PLD5: variants seen among roughly 807,000 people sequenced by gnomAD.
PLD5 encodes inactive phospholipase D5.
A neutral mutation model predicts 61.1 loss-of-function variants in PLD5; 36 were observed. The ratio of observed to expected loss-of-function variants is 0.59; its 90% CI spans 0.45 to 0.78. The LOEUF (loss-of-function observed/expected upper bound fraction) is 0.78. PLD5 is among the 30% of genes least tolerant of loss of function. The pLI is 0.00. For synonymous variants in PLD5, 243 were observed against 242.8 expected (o/e 1.00, Z -0.01); for missense variants, 515 against 644.4 (o/e 0.80, Z 2.17).
At chr1:242,229,062 T>C (rs1294688435) in intron 4 of PLD5, among the ~76,000 whole-genome samples, 1 of 152,212 alleles carries the variant, frequency 6.6e-6, no homozygotes, top group East Asian at 1.9e-4. Flanking sequence ...AATTGTTTAG[T>C]TGTGGCCTAA....
At chr1:242,257,956 A>C (rs935098931) in intron 4 of PLD5, among the ~76,000 whole-genome samples, 1 of 152,088 alleles carries the variant, frequency 6.6e-6, no homozygotes, top group Admixed American at 6.5e-5. Flanking sequence ...TTTTAGAACC[A>C]AGCTCTCATG....
chr1:242,141,977 A>G (rs1034472079), intron 5 of PLD5, among the ~76,000 whole-genome samples: 11 of 152,172 alleles, frequency 7.2e-5, no homozygotes, highest in African/African-American at 2.7e-4. Context: ...CATCCCATTC[A>G]TTGACAGCTC....
In PLD5 at chr1:242,501,809, T is replaced by C. The variant is rs564768869; in HGVS notation, c.189+22279A>G. Among the ~76,000 whole-genome samples, 297 of 145,788 alleles carry C rather than the reference T, an allele frequency of 2.0e-3. 3 individuals carry two copies. Among genetic ancestry groups the C allele is most frequent in the African/African-American group, 7.0e-3 (278 of 39,808 alleles). ...ATTCCATTATATATATATATATATA[T>C]ACACTACATCATGCTGTACCTTAAA... On this transcript the variant is annotated intron_variant, in intron 1 of 9. Transcript: ENST00000536534.
chr1:242,259,669 A>C (rs11590901), intron 4 of PLD5, among the ~76,000 whole-genome samples: 11 of 152,026 alleles, frequency 7.2e-5, no homozygotes, highest in African/African-American at 2.7e-4. Context: ...TTATCATCCA[A>C]CCATGAACAA....
At chr1:242,427,660 T>G (rs1665506766) in intron 1 of PLD5, among the ~76,000 whole-genome samples, 1 of 152,188 alleles carries the variant, frequency 6.6e-6, no homozygotes, top group African/African-American at 2.4e-5. Flanking sequence ...TTTAACGTAT[T>G]TATTCTTAGA....
chr1:242,492,975 G>A (rs981704286), intron 1 of PLD5, among the ~76,000 whole-genome samples: 2 of 152,054 alleles, frequency 1.3e-5, no homozygotes, highest in Non-Finnish European at 2.9e-5. Context: ...TATGAATTTG[G>A]GAGGGGGAAC....
intron 1 of PLD5, among the ~76,000 whole-genome samples, chr1:242,464,716 T>C (rs1398287207): frequency 1.3e-5 from 2 of 152,184 alleles, no homozygotes; most frequent in Admixed American, 1.3e-4. Flanking sequence ...TTCATCATCA[T>C]ACCATCACCA....
intron 1 of PLD5, among the ~76,000 whole-genome samples, chr1:242,472,662 G>A (rs1448769527): frequency 6.6e-6 from 1 of 152,174 alleles, no homozygotes; most frequent in Non-Finnish European, 1.5e-5. Context: ...TGGCTTGAAC[G>A]AAATTTATCA....
chr1:242,340,181 G>T (rs1325312836), intron 2 of PLD5, among the ~76,000 whole-genome samples: 1 of 152,092 alleles, frequency 6.6e-6, no homozygotes, highest in African/African-American at 2.4e-5. Flanking sequence ...TAGTGCCCTG[G>T]AAATCCATTT....
intron 5 of PLD5, among the ~76,000 whole-genome samples, chr1:242,129,356 A>C (rs1003986394): frequency 2.0e-5 from 3 of 152,168 alleles, no homozygotes; most frequent in African/African-American, 7.2e-5. Flanking sequence ...TTTCCTCTGA[A>C]TATCTTCCTC....
At chr1:242,512,790 T>C (rs1314355648) in intron 1 of PLD5, among the ~76,000 whole-genome samples, 1 of 152,228 alleles carries the variant, frequency 6.6e-6, no homozygotes, top group Non-Finnish European at 1.5e-5. Flanking sequence ...CTTCTTCATC[T>C]GACAATTACA....
At chr1:242,214,887 T>TTTTTC (rs1287461275) in intron 5 of PLD5, among the ~76,000 whole-genome samples, 1 of 140,444 alleles carries the variant, frequency 7.1e-6, no homozygotes, top group East Asian at 2.0e-4. Context: ...TTTTTTTTTT[T>TTTTTC]TTTTTTTGAG....
At chr1:242,233,683 C>T (rs1671455577) in intron 4 of PLD5, among the ~76,000 whole-genome samples, 1 of 152,034 alleles carries the variant, frequency 6.6e-6, no homozygotes. Context: ...TCATTATCTC[C>T]AGCAAGTAGC....
intron 1 of PLD5, among the ~76,000 whole-genome samples, chr1:242,493,359 C>G (rs530540846): frequency 1.3e-3 from 191 of 152,230 alleles, no homozygotes; most frequent in Non-Finnish European, 2.0e-3. Flanking sequence ...ATGTCTGAAG[C>G]CTTCATGCTG....
At chr1:242,524,013 G>GCT in intron 1 of PLD5, 75 bp downstream of exon 1, 1 of 1,428,014 alleles carries the variant, frequency 7.0e-7, no homozygotes, top group Non-Finnish European at 9.2e-7. Context: ...CCCCGCGCGC[G>GCT]CTCATGCCAC....
At chr1:242,275,025 C>T (rs1674336239) in intron 3 of PLD5, among the ~76,000 whole-genome samples, 1 of 152,058 alleles carries the variant, frequency 6.6e-6, no homozygotes, top group Non-Finnish European at 1.5e-5. Context: ...AAGAGTTTAT[C>T]TTGGATATAC....
chr1:242,257,070 A>ATCTATCTG (rs1489679316), intron 4 of PLD5, among the ~76,000 whole-genome samples: 2 of 150,678 alleles, frequency 1.3e-5, no homozygotes, highest in Non-Finnish European at 3.0e-5. Flanking sequence ...CTATCTATCT[A>ATCTATCTG]TCTATCTATC....
rs1659372844 is a variant in PLD5 at position 242,084,609 on chromosome 1, G to C, written c.*5245C>G. On this transcript the variant is annotated 3_prime_UTR_variant, in exon 10 of 10. Coordinates refer to ENST00000536534, the MANE Select transcript of PLD5 (RefSeq NM_001372062.1). ...AGGGAATTTACACGTTGGGTGAGCTGGTTGAGATGGCTGTTAAAGTATGCT... is the reference window on the plus strand; with the variant it reads ...AGGGAATTTACACGTTGGGTGAGCTCGTTGAGATGGCTGTTAAAGTATGCT... The C allele has an allele frequency of 6.6e-6, 1 of 152,122 alleles. No homozygotes were observed. Among genetic ancestry groups the C allele is most frequent in the African/African-American group, 2.4e-5 (1 of 41,410 alleles). 9.4% of individuals were successfully genotyped at this position (152,122 alleles called of 1,614,324 possible). A position where few individuals can be genotyped will look rare whatever the true frequency, so the allele number is the denominator to read the frequency against.
chr1:242,193,275 A>G (rs192789009), intron 5 of PLD5, among the ~76,000 whole-genome samples: 68 of 152,140 alleles, frequency 4.5e-4, no homozygotes, highest in Non-Finnish European at 8.1e-4. Flanking sequence ...TAACGTAGAG[A>G]AAAGTAAAAA....
Sources: allele counts gnomAD v4.1 joint callset (sites outside exome capture counted in the v4.1 genomes callset), GRCh38; gene constraint gnomAD v4.1.1; transcripts MANE v1.5; gene names NCBI Gene and HGNC (gene_info 2026-07-23, HGNC 2026-07-21).